ADCY2: variants seen among roughly 807,000 people sequenced by gnomAD.
ADCY2 encodes the protein adenylate cyclase type 2.
In ADCY2, 31 loss-of-function variants were observed where a neutral mutation model predicts 125.2. The ratio of observed to expected loss-of-function variants is 0.25; its 90% CI spans 0.19 to 0.33. ADCY2 has a LOEUF of 0.33. ADCY2 is among the 10% of genes least tolerant of loss of function. The probability of loss-of-function intolerance (pLI) is 1.00; values close to 1 mark genes in which losing one functional copy is unlikely to be tolerated. For missense variants in ADCY2, 904 were observed against 1,418.2 expected (o/e 0.64, Z 5.82); for synonymous variants, 512 against 548.4 (o/e 0.93, Z 0.93).
intron 18 of ADCY2, among the ~76,000 whole-genome samples, chr5:7,779,269 T>C (rs1379877074): frequency 1.3e-5 from 2 of 152,218 alleles, no homozygotes; most frequent in Non-Finnish European, 2.9e-5. Flanking sequence ...AAATGTCCTG[T>C]GGTTTGGACT....
chr5:7,409,153 C>G (rs1739618106), intron 1 of ADCY2, among the ~76,000 whole-genome samples: 1 of 152,176 alleles, frequency 6.6e-6, no homozygotes, highest in Admixed American at 6.5e-5. Context: ...ACCGCATACT[C>G]TCACTTGTAA....
chr5:7,747,116 C>G (rs1243675502), intron 15 of ADCY2, among the ~76,000 whole-genome samples: 1 of 152,198 alleles, frequency 6.6e-6, no homozygotes, highest in Non-Finnish European at 1.5e-5. Context: ...GCCCTCGCCT[C>G]CATCGGCCCC....
chr5:7,445,505 C>T (rs552568895), intron 2 of ADCY2, among the ~76,000 whole-genome samples: 1 of 152,274 alleles, frequency 6.6e-6, no homozygotes, highest in African/African-American at 2.4e-5. Context: ...ACTTCCTACC[C>T]TCAGAAAAAA....
At chr5:7,541,386 T>G (rs1734987707) in intron 3 of ADCY2, among the ~76,000 whole-genome samples, 1 of 152,192 alleles carries the variant, frequency 6.6e-6, no homozygotes, top group Non-Finnish European at 1.5e-5. Flanking sequence ...TTATTAAAGG[T>G]CTGATGGGAA....
chr5:7,732,491 C>G (rs1742132744), intron 14 of ADCY2, among the ~76,000 whole-genome samples: 1 of 152,320 alleles, frequency 6.6e-6, no homozygotes, highest in South Asian at 2.1e-4. Flanking sequence ...AGCATCAGCA[C>G]CTCTCAGCAG....
intron 4 of ADCY2, among the ~76,000 whole-genome samples, chr5:7,641,271 A>C (rs997068145): frequency 3.3e-5 from 5 of 152,136 alleles, no homozygotes; most frequent in African/African-American, 1.2e-4. Context: ...TGTCCATTAC[A>C]TCTGCCCCAA....
chr5:7,520,775 C>A lies in ADCY2; in HGVS notation c.446C>A (p.Thr149Asn). The A allele has an allele frequency of 6.2e-7, 1 of 1,614,186 alleles. No homozygotes were observed. Among genetic ancestry groups the A allele is most frequent in the Non-Finnish European group, 8.5e-7 (1 of 1,180,042 alleles). The change falls in exon 3 of 25, where the codon ACC becomes AAC. Residue 149 changes from threonine to asparagine, a missense_variant. Physicochemically the swap from Thr to Asn is moderately conservative, Grantham distance 65 (BLOSUM62 0). Around this residue, in one of 7 missense-constraint regions of ADCY2, gnomAD observed 121 missense variants for 161.5 expected, o/e 0.75. Transcript: ENST00000338316. Reference sequence around the variant, plus strand: ...CTCTTCATCATCTTCGTGGTGTACACCATGCTGCCCTTCAACATGCGAGAC... The same window carrying A: ...CTCTTCATCATCTTCGTGGTGTACAACATGCTGCCCTTCAACATGCGAGAC... ...FFLFIIFVVYTMLPFNMRDAI... is the reference protein window; with the variant it reads ...FFLFIIFVVYNMLPFNMRDAI...
At chr5:7,522,433 T>C (rs1256411976) in intron 3 of ADCY2, 1 of 152,090 alleles carries the variant, frequency 6.6e-6, no homozygotes, top group East Asian at 1.9e-4. Context: ...CTCCTGTGGA[T>C]ACAATCTCTA....
intron 2 of ADCY2, among the ~76,000 whole-genome samples, chr5:7,489,653 G>A (rs1743086308): frequency 6.6e-6 from 1 of 152,190 alleles, no homozygotes. Context: ...GTCGAACTGT[G>A]AGTAAATTAA....
At chr5:7,722,760 A>T (rs1460895673) in intron 12 of ADCY2, among the ~76,000 whole-genome samples, 1 of 152,006 alleles carries the variant, frequency 6.6e-6, no homozygotes, top group Admixed American at 6.5e-5. Flanking sequence ...GGAGTTCAAG[A>T]CCAGCCTGAC....
intron 2 of ADCY2, among the ~76,000 whole-genome samples, chr5:7,508,899 T>G (rs920074787): frequency 2.0e-5 from 3 of 152,226 alleles, no homozygotes; most frequent in Admixed American, 2.0e-4. Flanking sequence ...TATGTGGGAA[T>G]GGTGCACTAT....
intron 2 of ADCY2, among the ~76,000 whole-genome samples, chr5:7,439,608 A>G (rs1740934247): frequency 6.6e-6 from 1 of 152,170 alleles, no homozygotes. Context: ...AACCTCATTA[A>G]TATTAACTAT....
chr5:7,630,948 T>C (rs1738292261), intron 4 of ADCY2, among the ~76,000 whole-genome samples: 1 of 152,042 alleles, frequency 6.6e-6, no homozygotes, highest in Non-Finnish European at 1.5e-5. Context: ...CCACCACACC[T>C]GGCTAACTTT....
intron 4 of ADCY2, among the ~76,000 whole-genome samples, chr5:7,680,726 G>A (rs533956734): frequency 6.6e-6 from 1 of 152,238 alleles, no homozygotes; most frequent in Non-Finnish European, 1.5e-5. Flanking sequence ...AACTTGCAAG[G>A]AAATGCATTA....
chr5:7,598,685 C>T (rs562435856), intron 3 of ADCY2, among the ~76,000 whole-genome samples: 112 of 152,198 alleles, frequency 7.4e-4, no homozygotes, highest in East Asian at 7.8e-4. Context: ...AGTGGACACA[C>T]GATAGGATTG....
At chr5:7,758,402 G>A (rs1474274724) in intron 16 of ADCY2, among the ~76,000 whole-genome samples, 4 of 152,214 alleles carry the variant, frequency 2.6e-5, no homozygotes, top group Non-Finnish European at 5.9e-5. Context: ...GATGCTTCCT[G>A]TAGTGGAGGC....
rs1026759425 is a variant in ADCY2, at chr5:7,469,610, G to T, written c.409-51128G>T. On this transcript the variant is annotated intron_variant, in intron 2 of 24. Transcript: ENST00000338316. ...GCTTGCACATTTTTTTTAAGCTTTG[G>T]CTTTAGTTTTATTTCATTTATCCTA... is the stretch of plus-strand genomic sequence containing the variant. 4.0e-5 allele frequency among the ~76,000 whole-genome samples: 6 copies of T among 151,304 alleles called. No homozygotes were observed. The South Asian group carries it at 1.2e-3, about 31-fold the overall frequency.
intron 17 of ADCY2, among the ~76,000 whole-genome samples, chr5:7,770,811 C>G (rs1271448917): frequency 1.3e-5 from 2 of 152,164 alleles, no homozygotes; most frequent in Non-Finnish European, 2.9e-5. Flanking sequence ...AAGGGCTTCT[C>G]AAACTCTTTG....
At chr5:7,825,945 A>G (rs326171) in intron 24 of ADCY2, among the ~76,000 whole-genome samples, 100,532 of 152,148 alleles carry the variant, frequency 0.66, 34,254 homozygotes, top group African/African-American at 0.82. Flanking sequence ...GACATGGTTC[A>G]GCTGCCGGGT....
Sources: allele counts gnomAD v4.1 joint callset (sites outside exome capture counted in the v4.1 genomes callset), GRCh38; gene constraint gnomAD v4.1.1; regional missense constraint gnomAD v4.1.1; transcripts MANE v1.5; gene names NCBI Gene and HGNC (gene_info 2026-07-23, HGNC 2026-07-21).